RBMS3: variants seen among roughly 807,000 people sequenced by gnomAD.
RBMS3 encodes RNA binding motif single stranded interacting protein 3.
A neutral mutation model predicts 66.8 loss-of-function variants in RBMS3; 27 were observed. That is an observed-to-expected ratio of 0.40 (90% CI 0.30 to 0.56). The LOEUF (loss-of-function observed/expected upper bound fraction) is 0.56, where lower values mean the gene tolerates loss of function less well. Ranked by LOEUF, RBMS3 falls within the 20% of genes least tolerant of loss-of-function variation. The probability of loss-of-function intolerance (pLI) is 0.40; values close to 1 mark genes in which losing one functional copy is unlikely to be tolerated. For missense variants in RBMS3, 513 were observed against 549.5 expected (o/e 0.93, Z 0.66); for synonymous variants, 188 against 183.0 (o/e 1.03, Z -0.22).
chr3:29,305,859 T>G (rs1429332704), intron 1 of RBMS3, among the ~76,000 whole-genome samples: 1 of 152,048 alleles, frequency 6.6e-6, no homozygotes, highest in African/African-American at 2.4e-5. Context: ...TTGTGCTTTA[T>G]TTTAAAACTA....
At chr3:29,867,621 G>T (rs1195202093) in intron 6 of RBMS3, among the ~76,000 whole-genome samples, 2 of 149,692 alleles carry the variant, frequency 1.3e-5, no homozygotes, top group African/African-American at 2.5e-5. Flanking sequence ...AGCAAAAGAA[G>T]CAACTCTCAA....
intron 2 of RBMS3, among the ~76,000 whole-genome samples, chr3:29,440,638 T>C (rs372879433): frequency 1.3e-5 from 2 of 152,136 alleles, no homozygotes; most frequent in African/African-American, 2.4e-5. Context: ...ACACCCACAA[T>C]GAAAAGCCAG....
intron 1 of RBMS3, among the ~76,000 whole-genome samples, chr3:29,407,173 G>A (rs2040057013): frequency 6.6e-6 from 1 of 152,168 alleles, no homozygotes; most frequent in Non-Finnish European, 1.5e-5. Context: ...AACAATCACT[G>A]CACACTTGCT....
At chr3:29,384,444 G>T (rs202007057) in intron 1 of RBMS3, among the ~76,000 whole-genome samples, 2,294 of 127,710 alleles carry the variant, frequency 0.018, 31 homozygotes, top group African/African-American at 0.041. Context: ...ATAAGAAGAA[G>T]AAGAAGAAGA....
At chr3:29,995,494 A>T (rs939982176) in intron 14 of RBMS3, among the ~76,000 whole-genome samples, 1 of 151,806 alleles carries the variant, frequency 6.6e-6, no homozygotes, top group Non-Finnish European at 1.5e-5. Context: ...GAAGGGAAAA[A>T]TGTTAAGGGC....
In RBMS3 at chr3:29,632,275, A is replaced by C. The variant is rs184415911; in HGVS notation, c.399+45070A>C. On this transcript the variant is annotated intron_variant, in intron 4 of 14. Coordinates refer to ENST00000383767, the MANE Select transcript of RBMS3 (RefSeq NM_001003793.3). ...TAAATACCCAGTATGAGAAATAAAA[A>C]TTTTGATTTTTATGTAGTTATCTTT... Among the ~76,000 whole-genome samples, 13 of 151,172 alleles carry C rather than the reference A, an allele frequency of 8.6e-5. 1 individual carries two copies. Among genetic ancestry groups the C allele is most frequent in the African/African-American group, 3.1e-4 (13 of 41,470 alleles).
At chr3:29,795,774 A>C (rs948797198) in intron 6 of RBMS3, among the ~76,000 whole-genome samples, 1 of 152,208 alleles carries the variant, frequency 6.6e-6, no homozygotes, top group African/African-American at 2.4e-5. Context: ...CCAATTCCAG[A>C]ATTCTATGCA....
intron 4 of RBMS3, among the ~76,000 whole-genome samples, chr3:29,682,360 G>A (rs1222028615): frequency 6.6e-6 from 1 of 152,130 alleles, no homozygotes; most frequent in African/African-American, 2.4e-5. Flanking sequence ...TCACCATGTT[G>A]GCCAGGATGG....
chr3:29,957,593 A>C (rs1404933061), intron 12 of RBMS3, among the ~76,000 whole-genome samples: 1 of 152,198 alleles, frequency 6.6e-6, no homozygotes, highest in South Asian at 2.1e-4. Flanking sequence ...AATGATGCTT[A>C]TATGAAATAA....
intron 6 of RBMS3, among the ~76,000 whole-genome samples, chr3:29,862,238 T>C (rs578259748): frequency 1.3e-3 from 201 of 152,180 alleles, no homozygotes; most frequent in Non-Finnish European, 1.3e-3. Context: ...ATAGTTGGTC[T>C]GGAAACGGGC....
intron 12 of RBMS3, among the ~76,000 whole-genome samples, chr3:29,947,007 A>C (rs1695362724): frequency 6.6e-6 from 1 of 151,658 alleles, no homozygotes; most frequent in Non-Finnish European, 1.5e-5. Flanking sequence ...TGAGTGGCAA[A>C]CTGTGGGTTT....
intron 4 of RBMS3, among the ~76,000 whole-genome samples, chr3:29,692,650 C>G (rs528635553): frequency 6.6e-6 from 1 of 152,270 alleles, no homozygotes; most frequent in African/African-American, 2.4e-5. Flanking sequence ...CTATCATTTT[C>G]TCTCCCATCA....
At chr3:29,698,195 C>T (rs917177545) in intron 4 of RBMS3, 1 of 983,702 alleles carries the variant, frequency 1.0e-6, no homozygotes, top group African/African-American at 1.7e-5. Flanking sequence ...TTTATAGCCA[C>T]AGGACTTCAA....
In RBMS3 at chr3:29,739,814, A is replaced by G. The variant is rs374122218; in HGVS notation, c.494A>G (p.His165Arg). ...GAGAATATGCTGAAACCCTTTGGAC[A>G]TGTCATTTCCACAAGAATACTAAGA... ...ELENMLKPFG[H>R]VISTRILRDA... The change falls in exon 5 of 15, where the codon CAT becomes CGT. Residue 165 changes from histidine (H) to arginine (R), a missense_variant. Physicochemically the swap from His to Arg is conservative, Grantham distance 29 (BLOSUM62 0). Coordinates refer to ENST00000383767, the MANE Select transcript of RBMS3 (RefSeq NM_001003793.3). 1.9e-6 allele frequency: 3 copies of G among 1,613,310 alleles called. No individual in the cohort carries two copies. The highest frequency in any genetic ancestry group is 2.2e-5 in the South Asian group (2 of 90,936).
At chr3:29,682,319 G>T (rs748979807) in intron 4 of RBMS3, among the ~76,000 whole-genome samples, 1 of 152,058 alleles carries the variant, frequency 6.6e-6, no homozygotes, top group Non-Finnish European at 1.5e-5. Flanking sequence ...GTAATTTTTT[G>T]TTTGTTTGTT....
At chr3:29,492,465 TG>T (rs2043586680) in intron 3 of RBMS3, among the ~76,000 whole-genome samples, 1 of 152,160 alleles carries the variant, frequency 6.6e-6, no homozygotes, top group Non-Finnish European at 1.5e-5. Flanking sequence ...ATCGTCTAAA[TG>T]TTTATTGGAA....
At chr3:29,464,586 T>C (rs1206632763) in intron 2 of RBMS3, among the ~76,000 whole-genome samples, 1 of 152,184 alleles carries the variant, frequency 6.6e-6, no homozygotes. Context: ...TTTTAAAAAA[T>C]TTCTGTGGCA....
intron 1 of RBMS3, among the ~76,000 whole-genome samples, chr3:29,363,687 G>T (rs1427145069): frequency 6.6e-6 from 1 of 151,922 alleles, no homozygotes; most frequent in Non-Finnish European, 1.5e-5. Flanking sequence ...CTACTCAGGT[G>T]GCTGAGGCAT....
chr3:29,371,841 T>A (rs1265249547), intron 1 of RBMS3, among the ~76,000 whole-genome samples: 6 of 152,202 alleles, frequency 3.9e-5, no homozygotes, highest in Admixed American at 3.9e-4. Context: ...TAGGCGATGT[T>A]TCAATCAGTT....
Sources: gnomAD v4.1 joint callset for allele counts (sites outside exome capture counted in the v4.1 genomes callset) on GRCh38, gnomAD v4.1.1 for gene constraint, MANE v1.5 for transcripts, NCBI Gene and HGNC (gene_info 2026-07-23, HGNC 2026-07-21) for gene names.